Variants in ESRRB observed in about 807,000 individuals in gnomAD.
ESRRB encodes the protein steroid hormone receptor ERR2.
Under a neutral mutation model 46.0 loss-of-function variants are expected in ESRRB, and 16 were observed. The ratio of observed to expected loss-of-function variants is 0.35; its 90% CI spans 0.24 to 0.53. ESRRB has a LOEUF of 0.53. Ranked by LOEUF, ESRRB falls within the 20% of genes least tolerant of loss-of-function variation. The probability of loss-of-function intolerance (pLI) is 0.93; values close to 1 mark genes in which losing one functional copy is unlikely to be tolerated. For synonymous variants in ESRRB, 246 were observed against 259.6 expected (o/e 0.95, Z 0.50); for missense variants, 488 against 607.4 (o/e 0.80, Z 2.07).
At chr14:76,313,965 T>G (rs1470573622) in intron 1 of ESRRB, among the ~76,000 whole-genome samples, 1 of 152,132 alleles carries the variant, frequency 6.6e-6, no homozygotes, top group East Asian at 1.9e-4. Flanking sequence ...TTTTTGTTAA[T>G]GGCTTGGGGA....
intron 5 of ESRRB, among the ~76,000 whole-genome samples, chr14:76,485,637 GAGAGAGAGAGAGAGAGAGAGAGAAAGAA>G (rs975234771): frequency 1.9e-4 from 5 of 27,002 alleles, no homozygotes; most frequent in African/African-American, 3.6e-4. Context: ...GAGAGAGAGA[GAGAGAGAGAGAGAGAGAGAGAGAAAGAA>G]AGAGAGAGAG....
At chr14:76,342,160 A>G (rs1051257108) in intron 1 of ESRRB, among the ~76,000 whole-genome samples, 1 of 152,194 alleles carries the variant, frequency 6.6e-6, no homozygotes, top group Non-Finnish European at 1.5e-5. Context: ...GCTAACACAC[A>G]GGCCCTATTA....
At chr14:76,386,820 G>A (rs1348460538) in intron 1 of ESRRB, among the ~76,000 whole-genome samples, 1 of 152,164 alleles carries the variant, frequency 6.6e-6, no homozygotes, top group Non-Finnish European at 1.5e-5. Context: ...TATATTGATA[G>A]AGTTACAATT....
exon 1 of ESRRB, chr14:76,310,817 C>T (rs954035514): frequency 1.1e-5 from 5 of 454,254 alleles, no homozygotes; most frequent in South Asian, 3.1e-5. Flanking sequence ...CAGCTGGTAC[C>T]GGAGGAGCGG....
chr14:76,312,181 G>T (rs1186079067), intron 1 of ESRRB, among the ~76,000 whole-genome samples: 1 of 151,898 alleles, frequency 6.6e-6, no homozygotes, highest in African/African-American at 2.4e-5. Context: ...AAACAAAGCA[G>T]ATATGCCTGT....
At chr14:76,431,642 A>T (rs1356775146) in intron 1 of ESRRB, among the ~76,000 whole-genome samples, 1 of 152,190 alleles carries the variant, frequency 6.6e-6, no homozygotes, top group Non-Finnish European at 1.5e-5. Context: ...AATTGAGGCC[A>T]GGGCAGCGCT....
At chr14:76,437,715 G>A (rs1887735144) in intron 1 of ESRRB, among the ~76,000 whole-genome samples, 1 of 152,160 alleles carries the variant, frequency 6.6e-6, no homozygotes, top group Non-Finnish European at 1.5e-5. Flanking sequence ...AATCCTGGCT[G>A]GAATGTGACC....
rs986547749 is a variant in ESRRB at position 76,354,616 on chromosome 14, G to T, written c.2+43700G>T. Among the ~76,000 whole-genome samples the T allele has an allele frequency of 3.8e-4, 57 of 151,344 alleles. 1 individual carries two copies. Among genetic ancestry groups the T allele is most frequent in the African/African-American group, 1.3e-3 (55 of 41,136 alleles). ...TGTCTTAGGCCAAAGGCTTCTGAGGGACCAGAATAAGGTGAGGGGCTGACC... is the reference window on the plus strand; with the variant it reads ...TGTCTTAGGCCAAAGGCTTCTGAGGTACCAGAATAAGGTGAGGGGCTGACC... On this transcript the variant is annotated intron_variant, in intron 1 of 6. Coordinates refer to the ESRRB transcript ENST00000512784.
At chr14:76,439,054 A>C (rs1380392600) in intron 1 of ESRRB, among the ~76,000 whole-genome samples, 1 of 151,912 alleles carries the variant, frequency 6.6e-6, no homozygotes, top group African/African-American at 2.4e-5. Context: ...CTCCCCGCTC[A>C]GCCTCTCAAA....
chr14:76,418,466 A>C (rs1013584107), intron 1 of ESRRB, among the ~76,000 whole-genome samples: 1 of 152,024 alleles, frequency 6.6e-6, no homozygotes, highest in Admixed American at 6.6e-5. Context: ...GATTTCATTT[A>C]TTTTTCCATT....
At chr14:76,333,117 TAATA>T (rs1884068803) in intron 1 of ESRRB, among the ~76,000 whole-genome samples, 2 of 14,946 alleles carry the variant, frequency 1.3e-4, no homozygotes, top group African/African-American at 2.7e-4. Context: ...ATATAATATA[TAATA>T]TATATATTAT....
At chr14:76,353,022 C>T (rs55874171) in intron 1 of ESRRB, among the ~76,000 whole-genome samples, 28,898 of 152,280 alleles carry the variant, frequency 0.19, 3,448 homozygotes, top group Non-Finnish European at 0.27. Flanking sequence ...GGCACAGGCA[C>T]GTCCCGTGGC....
chr14:76,343,112 A>G (rs1884210965), intron 1 of ESRRB, among the ~76,000 whole-genome samples: 1 of 152,196 alleles, frequency 6.6e-6, no homozygotes, highest in Non-Finnish European at 1.5e-5. Flanking sequence ...CATTGCCAAG[A>G]GCAGCCCAGG....
At chr14:76,428,792 T>C (rs1046790025) in intron 1 of ESRRB, among the ~76,000 whole-genome samples, 1 of 152,182 alleles carries the variant, frequency 6.6e-6, no homozygotes, top group Non-Finnish European at 1.5e-5. Flanking sequence ...AAAGCCCTGA[T>C]TGAAAGGCAC....
At chr14:76,377,271 A>G (rs1227086697) in intron 1 of ESRRB, among the ~76,000 whole-genome samples, 1 of 152,186 alleles carries the variant, frequency 6.6e-6, no homozygotes, top group Admixed American at 6.5e-5. Flanking sequence ...AAGAGCGCAG[A>G]GTGGGAAAGT....
intron 3 of ESRRB, among the ~76,000 whole-genome samples, chr14:76,477,108 G>T (rs1054536681): frequency 6.6e-6 from 1 of 152,180 alleles, no homozygotes; most frequent in Admixed American, 6.5e-5. Context: ...AGTAAAAAAA[G>T]GAGAAGGCCG....
chr14:76,451,356 A>C (rs1888373850), intron 2 of ESRRB, among the ~76,000 whole-genome samples: 2 of 152,240 alleles, frequency 1.3e-5, no homozygotes, highest in African/African-American at 4.8e-5. Context: ...TATCAGTAAA[A>C]TGTTAATAGT....
chr14:76,384,210 T>A (rs998802924), intron 1 of ESRRB, among the ~76,000 whole-genome samples: 1 of 152,320 alleles, frequency 6.6e-6, no homozygotes, highest in African/African-American at 2.4e-5. Flanking sequence ...GTTGACATTG[T>A]CTACCTAAGC....
chr14:76,439,218 G>A lies in ESRRB; in HGVS notation c.51-123G>A, dbSNP rs979351886. 1.8e-5 allele frequency: 20 copies of A among 1,130,804 alleles called. No individual in the cohort carries two copies. The African/African-American group carries it at 2.1e-4, about 12-fold the overall frequency. 70.0% of individuals were successfully genotyped at this position (1,130,804 alleles called of 1,614,324 possible). Reference sequence around the variant, plus strand: ...GGGAGACCAGCTGACCTTCTCCACCGTTGTTTTATCGCACCAAAGCCTTAG... The same window carrying A: ...GGGAGACCAGCTGACCTTCTCCACCATTGTTTTATCGCACCAAAGCCTTAG... On this transcript the variant is annotated intron_variant, in intron 1 of 6. Coordinates refer to ENST00000644823, the MANE Select transcript of ESRRB (RefSeq NM_001379180.1).
Sources: gnomAD v4.1 joint callset for allele counts (sites outside exome capture counted in the v4.1 genomes callset) on GRCh38, gnomAD v4.1.1 for gene constraint, MANE v1.5 for transcripts, NCBI Gene and HGNC (gene_info 2026-07-23, HGNC 2026-07-21) for gene names.